Variants in TAB1 observed in about 807,000 individuals in gnomAD.
TAB1 encodes the protein TGF-beta-activated kinase 1 and MAP3K7-binding protein 1.
TAB1 carries 30 observed loss-of-function variants against 54.5 expected under a neutral mutation model. That is an observed-to-expected ratio of 0.55 (90% CI 0.41 to 0.75). The LOEUF is 0.75. Among genes scored for constraint, TAB1 ranks in the 30% least tolerant of loss-of-function variants. The pLI is 0.00. For synonymous variants in TAB1, 289 were observed against 286.9 expected (o/e 1.01, Z -0.07); for missense variants, 609 against 683.2 (o/e 0.89, Z 1.21).
chr22:39,424,081 C>A (rs751486073), intron 8 of TAB1, among the ~76,000 whole-genome samples: 1 of 152,230 alleles, frequency 6.6e-6, no homozygotes, highest in Non-Finnish European at 1.5e-5. Flanking sequence ...TTAGCTCCCA[C>A]TTACGAGTGA....
At chr22:39,418,964 C>T in intron 6 of TAB1, 119 bp downstream of exon 6, 1 of 788,368 alleles carries the variant, frequency 1.3e-6, no homozygotes, top group Non-Finnish European at 2.1e-6. Context: ...CCCCAGCCAG[C>T]CTGCCTGGGG....
intron 8 of TAB1, among the ~76,000 whole-genome samples, chr22:39,425,340 A>C (rs1927273552): frequency 6.6e-6 from 1 of 151,954 alleles, no homozygotes; most frequent in Non-Finnish European, 1.5e-5. Flanking sequence ...CTGAGATCAC[A>C]GCACTGCACT....
At chr22:39,433,707 G>A (rs1927674169), downstream of TAB1, 5 of 985,338 alleles carry the variant, frequency 5.1e-6, no homozygotes, top group Non-Finnish European at 6.0e-6. Context: ...CCCGTGTCGG[G>A]ATGTTCCTGC....
downstream of TAB1, chr22:39,436,687 C>T (rs563780662): frequency 2.4e-6 from 2 of 821,186 alleles, no homozygotes; most frequent in South Asian, 1.5e-5. Flanking sequence ...CCCGCCCCCT[C>T]CCCGGGACTG....
downstream of TAB1, chr22:39,432,402 A>G (rs148410942): frequency 6.6e-6 from 1 of 152,276 alleles, no homozygotes; most frequent in Non-Finnish European, 1.5e-5. Context: ...CATCCCTCTA[A>G]GAAGAGCCTC....
intron 1 of TAB1, 151 bp from the exon 2 acceptor site, chr22:39,414,845 AGGTGTCTGTT>A: frequency 1.4e-6 from 1 of 702,848 alleles, no homozygotes; most frequent in Non-Finnish European, 2.3e-6. Context: ...ACCCTTCTGC[AGGTGTCTGTT>A]CATACAAACA....
Position 39,418,720 on chromosome 22 carries a change from A to G in TAB1, c.551-12A>G. ...GTGTAGTCTTTGCTTAGCTGTTCACATTCTGCCACAGGTACAAACCGTGCA... is the reference window on the plus strand; with the variant it reads ...GTGTAGTCTTTGCTTAGCTGTTCACGTTCTGCCACAGGTACAAACCGTGCA... On this transcript the variant is annotated splice_polypyrimidine_tract_variant and intron_variant, in intron 5 of 10. Transcript: ENST00000216160. 2 of 1,602,604 alleles carry G rather than the reference A, an allele frequency of 1.2e-6. No homozygotes were observed. Among genetic ancestry groups the G allele is most frequent in the Non-Finnish European group, 1.7e-6 (2 of 1,169,578 alleles).
At chr22:39,413,378 T>C (rs954518346) in intron 1 of TAB1, among the ~76,000 whole-genome samples, 7 of 152,180 alleles carry the variant, frequency 4.6e-5, no homozygotes. Flanking sequence ...CTGGTTGCTC[T>C]AGCTTGTGTT....
intron 10 of TAB1, chr22:39,429,275 G>T: frequency 2.0e-6 from 2 of 985,428 alleles, no homozygotes; most frequent in African/African-American, 1.7e-5. Flanking sequence ...GGCGAAGGAA[G>T]GTTTTCTAGA....
In TAB1 at chr22:39,415,232, G is replaced by C; in HGVS notation, c.170+90G>C. On this transcript the variant is annotated intron_variant, in intron 2 of 10. Transcript: ENST00000216160. The surrounding 1 kb of genome is among the most constrained non-coding windows in gnomAD (Gnocchi z 4.9). The stretch of plus-strand genomic sequence containing the variant: ...ACCGACCTTGCAGCTTTCTCGTATG[G>C]GCTTGCCAGTGACATGTGGCCCGTG... 1 of 1,466,178 alleles carries C rather than the reference G, an allele frequency of 6.8e-7. No individual in the cohort carries two copies. Among genetic ancestry groups the C allele is most frequent in the South Asian group, 1.3e-5 (1 of 74,226 alleles). The allele number at this position is 1,466,178 out of a possible 1,614,324, so 90.8% of individuals were successfully genotyped here.
At chr22:39,436,622 G>A, downstream of TAB1, 1 of 1,435,168 alleles carries the variant, frequency 7.0e-7, no homozygotes, top group East Asian at 2.3e-5. Context: ...ATCATCCTGG[G>A]GTTTTGTCGC....
intron 1 of TAB1, among the ~76,000 whole-genome samples, chr22:39,410,190 C>T (rs575495280): frequency 6.6e-5 from 10 of 152,322 alleles, no homozygotes; most frequent in African/African-American, 2.4e-4. Context: ...TCACTGCAAC[C>T]TCCACCTCCT....
chr22:39,431,532 G>A lies in TAB1; in HGVS notation c.*1310G>A, dbSNP rs776857508. On this transcript the variant is annotated 3_prime_UTR_variant, in exon 11 of 11. Transcript: ENST00000216160. ...CTAGCCGCTGTCGCACAGCCTCTGG[G>A]GTGCTTGGTCTCTGCGAAGTCAAAG... 2.4e-5 allele frequency: 24 copies of A among 985,572 alleles called. No individual in the cohort carries two copies. The highest frequency in any genetic ancestry group is 2.9e-5 in the Non-Finnish European group (24 of 829,996). 61.1% of individuals were successfully genotyped at this position (985,572 alleles called of 1,614,324 possible). A position where few individuals can be genotyped will look rare whatever the true frequency, so the allele number is the denominator to read the frequency against.
At chr22:39,401,888 AG>A (rs1452306745) in intron 1 of TAB1, among the ~76,000 whole-genome samples, 2 of 152,188 alleles carry the variant, frequency 1.3e-5, no homozygotes, top group Non-Finnish European at 2.9e-5. Flanking sequence ...AACTCAGCTC[AG>A]ACACCTGCAT....
chr22:39,427,077 C>T, intron 9 of TAB1, 152 bp downstream of exon 9: 1 of 802,014 alleles, frequency 1.2e-6, no homozygotes, highest in Non-Finnish European at 1.9e-6. Context: ...TTTAGCCTCT[C>T]TGAGCTGAGT....
chr22:39,422,573 A>G (rs1927143755), intron 8 of TAB1, among the ~76,000 whole-genome samples: 1 of 151,642 alleles, frequency 6.6e-6, no homozygotes, highest in Non-Finnish European at 1.5e-5. Context: ...ACGCCCAGCT[A>G]ATTTTTGTAT....
rs565783266 is a variant in TAB1 at position 39,426,362 on chromosome 22, A to G, written c.922-341A>G. On this transcript the variant is annotated intron_variant, in intron 8 of 10. Transcript: ENST00000216160. Reference sequence around the variant, plus strand: ...CAGGAAAGAGTGTTTCATAATAATGACACTTGCTACTAGGCTTTTTAGTGG... The same window carrying G: ...CAGGAAAGAGTGTTTCATAATAATGGCACTTGCTACTAGGCTTTTTAGTGG... Among the ~76,000 whole-genome samples the G allele has an allele frequency of 5.9e-5, 9 of 152,276 alleles. No homozygotes were observed. In the East Asian group the frequency reaches 1.7e-3, roughly 29 times the overall value.
downstream of TAB1, chr22:39,433,886 C>T (rs1568989974): frequency 5.4e-6 from 5 of 919,500 alleles, no homozygotes; most frequent in Non-Finnish European, 5.2e-6. Context: ...CCCACCCCAC[C>T]GCCCCCTGCC....
At chr22:39,422,086 G>T in intron 8 of TAB1, 115 bp downstream of exon 8, 2 of 1,025,464 alleles carry the variant, frequency 2.0e-6, no homozygotes, top group Non-Finnish European at 2.7e-6. Flanking sequence ...GACATCTCTG[G>T]GTTCAAAGCT....
Sources: allele counts gnomAD v4.1 joint callset (sites outside exome capture counted in the v4.1 genomes callset), GRCh38; gene constraint gnomAD v4.1.1; non-coding constraint Gnocchi (gnomAD v3.1); transcripts MANE v1.5; gene names NCBI Gene and HGNC (gene_info 2026-07-23, HGNC 2026-07-21).